LRP1: variants seen among roughly 807,000 people sequenced by gnomAD.
The protein encoded by LRP1 is LDL receptor related protein 1.
LRP1 carries 51 observed loss-of-function variants against 541.5 expected under a neutral mutation model. The ratio of observed to expected loss-of-function variants is 0.09; its 90% CI spans 0.08 to 0.12. The LOEUF (loss-of-function observed/expected upper bound fraction) is 0.12. Among genes scored for constraint, LRP1 ranks in the 10% least tolerant of loss-of-function variants. LRP1 has a pLI of 1.00. For synonymous variants in LRP1, 2,219 were observed against 2,470.8 expected (o/e 0.90, Z 3.02); for missense variants, 3,878 against 6,376.2 (o/e 0.61, Z 13.34).
At chr12:57,207,987 T>A in intron 76 of LRP1, 51 bp from the exon 77 acceptor site, 1 of 1,584,488 alleles carries the variant, frequency 6.3e-7, no homozygotes, top group Non-Finnish European at 8.6e-7. Flanking sequence ...GGCGGGGGGA[T>A]AATGGCAGGA....
Position 57,169,131 on chromosome 12 carries a change from C to T in LRP1, c.2996-9C>T. On this transcript the variant is annotated splice_polypyrimidine_tract_variant and intron_variant, in intron 19 of 88. Coordinates refer to ENST00000243077, the MANE Select transcript of LRP1 (RefSeq NM_002332.3). ...CGCTTTGCCTCTCCCCTTCTTCCCC[C>T]ACCGCCAGACAATGACTGTGGGGAC... The T allele has an allele frequency of 6.3e-7, 1 of 1,595,024 alleles. No individual in the cohort carries two copies. The highest frequency in any genetic ancestry group is 2.3e-5 in the East Asian group (1 of 44,338).
intron 22 of LRP1, 76 bp from the exon 23 acceptor site, chr12:57,175,384 G>A (rs1006063790): frequency 6.3e-7 from 1 of 1,576,066 alleles, no homozygotes; most frequent in African/African-American, 1.3e-5. Context: ...CCAGGACTTG[G>A]GGCCCAGCAG....
Position 57,166,917 on chromosome 12 carries a change from C to A in LRP1, c.2798-13C>A. The A allele has an allele frequency of 1.4e-6, 2 of 1,434,490 alleles. No homozygotes were observed. Among genetic ancestry groups the A allele is most frequent in the Non-Finnish European group, 2.0e-6 (2 of 1,016,904 alleles). The allele number at this position is 1,434,490 out of a possible 1,614,324, so 88.9% of individuals were successfully genotyped here. ...CAGGACAATGAGTACTCACACCCAT[C>A]CCTGCCCCCCAGCCCGCACCTGCCC... On this transcript the variant is annotated splice_polypyrimidine_tract_variant and intron_variant, in intron 17 of 88. Transcript: ENST00000243077.
At chr12:57,155,129 T>A in intron 8 of LRP1, 2 of 369,462 alleles carry the variant, frequency 5.4e-6, no homozygotes, top group South Asian at 3.6e-5. Flanking sequence ...GGATAATTAG[T>A]GTGAGCAACC....
Position 57,145,212 on chromosome 12 carries a change from C to G in LRP1, c.578-15C>G, listed in dbSNP as rs755343155. Reference sequence around the variant, plus strand: ...GAGCCCTGGCTGCACGGACTCTTCTCTTCCCCATTCCCAGAGCCAGTAGAC... The same window carrying G: ...GAGCCCTGGCTGCACGGACTCTTCTGTTCCCCATTCCCAGAGCCAGTAGAC... On this transcript the variant is annotated splice_polypyrimidine_tract_variant and intron_variant, in intron 5 of 88. Coordinates refer to ENST00000243077, the MANE Select transcript of LRP1 (RefSeq NM_002332.3). The G allele has an allele frequency of 1.2e-6, 2 of 1,613,962 alleles. No individual in the cohort carries two copies. The highest frequency in any genetic ancestry group is 1.7e-6 in the Non-Finnish European group (2 of 1,180,002).
chr12:57,165,873 A>G lies in LRP1; in HGVS notation c.2599A>G (p.Ile867Val), dbSNP rs759572517. The change falls in exon 16 of 89, where the codon ATC becomes GTC. Residue 867 changes from isoleucine (I) to valine (V), a missense_variant. This residue lies in a region of LRP1 where 496 missense variants were observed against 861.0 expected (regional missense o/e 0.58). Coordinates refer to ENST00000243077, the MANE Select transcript of LRP1 (RefSeq NM_002332.3). This position sits in a 1 kb window ranked among gnomAD's most constrained non-coding sequence, Gnocchi z 4.5. The part of the protein sequence containing the change: ...GEFACANSRC[I>V]QERWKCDGDN... ...GTTTGCCTGTGCCAACAGCCGCTGC[A>G]TCCAGGAGCGCTGGAAGTGTGACGG... The G allele has an allele frequency of 1.2e-6, 2 of 1,614,176 alleles. No homozygotes were observed. The highest frequency in any genetic ancestry group is 4.5e-5 in the East Asian group (2 of 44,876).
rs984630715 is a variant in LRP1 at position 57,128,898 on chromosome 12, G to T, written c.-67G>T. 1 of 1,374,076 alleles carries T rather than the reference G, an allele frequency of 7.3e-7. No individual in the cohort carries two copies. The highest frequency in any genetic ancestry group is 2.6e-5 in the East Asian group (1 of 38,832). The allele number at this position is 1,374,076 out of a possible 1,614,324, so 85.1% of individuals were successfully genotyped here. The stretch of plus-strand genomic sequence containing the variant: ...GAGGAAAAGGGGGACCCCCCAACTG[G>T]GGGGGGTGAAGGAGAGAAGTAGCAG... On this transcript the variant is annotated 5_prime_UTR_variant, in exon 1 of 89. Transcript: ENST00000243077.
rs573072618 is a variant in LRP1, at chr12:57,140,436, T to C, written c.191-938T>C. Among the ~76,000 whole-genome samples, 3 of 152,376 alleles carry C rather than the reference T, an allele frequency of 2.0e-5. No individual in the cohort carries two copies. The East Asian group carries it at 5.8e-4, about 29-fold the overall frequency. On this transcript the variant is annotated intron_variant, in intron 2 of 88. Coordinates refer to ENST00000243077, the MANE Select transcript of LRP1 (RefSeq NM_002332.3). ...AATATTTTATCCAATGGATCCAAAA[T>C]ATTATCACTTTAGTACAGTGTATTC... is the stretch of plus-strand genomic sequence containing the variant.
In LRP1 at chr12:57,141,478, A is replaced by G; in HGVS notation, c.295A>G (p.Met99Val). Residue 99 changes from methionine (M) to valine (V), a missense_variant, in exon 3 of 89, where the codon ATG becomes GTG. Around this residue, in one of 13 missense-constraint regions of LRP1, gnomAD observed 293 missense variants for 403.7 expected, o/e 0.73. Transcript: ENST00000243077. Reference sequence around the variant, plus strand: ...CCTCTGCAATGGGGTCCAGGACTGCATGGACGGCTCAGATGAGGGGCCCCA... The same window carrying G: ...CCTCTGCAATGGGGTCCAGGACTGCGTGGACGGCTCAGATGAGGGGCCCCA... ...SRLCNGVQDCMDGSDEGPHCR... is the reference protein window; with the variant it reads ...SRLCNGVQDCVDGSDEGPHCR... 1 of 1,614,154 alleles carries G rather than the reference A, an allele frequency of 6.2e-7. No individual in the cohort carries two copies. The highest frequency in any genetic ancestry group is 8.5e-7 in the Non-Finnish European group (1 of 1,180,032).
Position 57,175,978 on chromosome 12 carries a change from A to G in LRP1, c.3863A>G (p.Asp1288Gly), listed in dbSNP as rs201057591. ...EIRRIDLHKG[D>G]YSVLVPGLRN... ...CGGCGCATCGATCTTCACAAAGGAG[A>G]CTACAGCGTCCTGGTGCCCGGCCTG... Residue 1288 changes from aspartate (D) to glycine (G), a missense_variant, in exon 24 of 89, where the codon GAC (aspartate) becomes GGC (glycine). Physicochemically the swap from Asp to Gly is moderately conservative, Grantham distance 94 (BLOSUM62 -1). Transcript: ENST00000243077. The G allele has an allele frequency of 3.1e-5, 50 of 1,614,170 alleles. 1 individual carries two copies. The Admixed American group carries it at 3.7e-4, about 12-fold the overall frequency.
intron 19 of LRP1, among the ~76,000 whole-genome samples, chr12:57,168,809 C>T (rs949186163): frequency 1.2e-4 from 18 of 152,184 alleles, no homozygotes; most frequent in Non-Finnish European, 4.4e-5. Flanking sequence ...CTAGAGAAAC[C>T]CCTGCCTTTC....
intron 20 of LRP1, among the ~76,000 whole-genome samples, chr12:57,169,670 G>A (rs2035908022): frequency 6.6e-6 from 1 of 152,232 alleles, no homozygotes; most frequent in African/African-American, 2.4e-5. Context: ...CGCTGATGTG[G>A]GAGTTTAGTG....
intron 61 of LRP1, 64 bp downstream of exon 61, chr12:57,199,464 C>T: frequency 6.6e-7 from 1 of 1,525,650 alleles, no homozygotes; most frequent in Non-Finnish European, 8.9e-7. Context: ...CTGGGAGTTC[C>T]TGCTCATCCC....
intron 78 of LRP1, 116 bp downstream of exon 78, chr12:57,208,933 G>T (rs117119988): frequency 9.2e-7 from 1 of 1,091,628 alleles, no homozygotes; most frequent in Non-Finnish European, 1.4e-6. Flanking sequence ...ACTGGGGCAG[G>T]GCAGATTGGC....
intron 44 of LRP1, 122 bp downstream of exon 44, chr12:57,191,634 C>G: frequency 1.2e-6 from 1 of 829,732 alleles, no homozygotes; most frequent in Non-Finnish European, 1.9e-6. Flanking sequence ...ACACACACAT[C>G]CCACACATAC....
intron 78 of LRP1, 52 bp downstream of exon 78, chr12:57,208,869 AGAG>A: frequency 7.0e-7 from 1 of 1,434,998 alleles, no homozygotes; most frequent in Non-Finnish European, 9.8e-7. Context: ...CCCGGCTCGC[AGAG>A]CCCAGCTGCT....
chr12:57,138,142 G>C (rs184742465), intron 1 of LRP1, among the ~76,000 whole-genome samples: 286 of 152,260 alleles, frequency 1.9e-3, no homozygotes, highest in Non-Finnish European at 3.4e-3. Flanking sequence ...TCAAAGCCAG[G>C]GGGTGCTGGT....
rs145387854 is a variant in LRP1, at chr12:57,141,827, A to G, written c.328+316A>G. Among the ~76,000 whole-genome samples, 254 of 152,306 alleles carry G rather than the reference A, an allele frequency of 1.7e-3. 1 individual carries two copies. The highest frequency in any genetic ancestry group is 4.1e-3 in the Admixed American group (62 of 15,292). The stretch of plus-strand genomic sequence containing the variant: ...GAGATCAGTGTTTTCATACTTTTTT[A>G]AAAATAGTATGATCCTTTCTTCAAA... On this transcript the variant is annotated intron_variant, in intron 3 of 88. Transcript: ENST00000243077.
At chr12:57,169,106 C>T (rs1024879282) in intron 19 of LRP1, 34 bp from the exon 20 acceptor site, 11 of 1,578,632 alleles carry the variant, frequency 7.0e-6, no homozygotes, top group Admixed American at 3.4e-5. Flanking sequence ...CACCAACTCC[C>T]GCTTTGCCTC....
Sources: gnomAD v4.1 joint callset for allele counts (sites outside exome capture counted in the v4.1 genomes callset) on GRCh38, gnomAD v4.1.1 for gene constraint, gnomAD v4.1.1 regional missense constraint, Gnocchi (gnomAD v3.1) non-coding constraint, MANE v1.5 for transcripts, NCBI Gene and HGNC (gene_info 2026-07-23, HGNC 2026-07-21) for gene names.